TJP3: variants seen among roughly 807,000 people sequenced by gnomAD.
TJP3 encodes the protein tight junction protein 3.
Under a neutral mutation model 104.2 loss-of-function variants are expected in TJP3, and 85 were observed. The ratio of observed to expected loss-of-function variants is 0.82; its 90% CI spans 0.68 to 0.98. The LOEUF (loss-of-function observed/expected upper bound fraction) is 0.98, where lower values mean the gene tolerates loss of function less well. Among genes scored for constraint, TJP3 ranks in the 50% least tolerant of loss-of-function variants. The pLI is 0.00. For missense variants in TJP3, 1,367 were observed against 1,322.8 expected (o/e 1.03, Z -0.52); for synonymous variants, 550 against 550.6 (o/e 1.00, Z 0.02).
At chr19:3,747,011 C>T (rs758714661) in intron 18 of TJP3, 135 bp downstream of exon 18, 1 of 804,096 alleles carries the variant, frequency 1.2e-6, no homozygotes, top group Non-Finnish European at 2.0e-6. Context: ...AAGATGGGAC[C>T]TGAGACAAGG....
At chr19:3,750,294 T>C (rs1221543910) in intron 20 of TJP3, 110 bp downstream of exon 20, 2 of 1,456,718 alleles carry the variant, frequency 1.4e-6, no homozygotes, top group Non-Finnish European at 1.9e-6. Context: ...CCTAGCCTAG[T>C]GGGGAAGACA....
intron 1 of TJP3, chr19:3,721,944 G>A: frequency 1.7e-6 from 2 of 1,181,760 alleles, no homozygotes; most frequent in Non-Finnish European, 2.1e-6. Context: ...AGGGGGAGGG[G>A]CTCGGGCTGA....
chr19:3,742,897 T>C (rs1048459962), intron 14 of TJP3, among the ~76,000 whole-genome samples: 1 of 150,550 alleles, frequency 6.6e-6, no homozygotes, highest in African/African-American at 2.5e-5. Flanking sequence ...ACCTGGGAGA[T>C]GGAGGTTGCA....
intron 1 of TJP3, among the ~76,000 whole-genome samples, chr19:3,709,349 G>A (rs532049012): frequency 6.6e-6 from 1 of 152,312 alleles, no homozygotes; most frequent in South Asian, 2.1e-4. Flanking sequence ...AACCCCCTCG[G>A]CCTCCCAAAG....
At chr19:3,722,594 G>C (rs2036552169) in intron 1 of TJP3, among the ~76,000 whole-genome samples, 1 of 150,680 alleles carries the variant, frequency 6.6e-6, no homozygotes, top group South Asian at 2.1e-4. Context: ...GGCGGGGGGC[G>C]ATCCTTGTCT....
chr19:3,733,795 C>T lies in TJP3; in HGVS notation c.760C>T (p.Arg254Trp), dbSNP rs759510224. The change falls in exon 7 of 21, where the codon CGG becomes TGG. Residue 254 changes from arginine to tryptophan, a missense_variant. Coordinates refer to ENST00000541714, the MANE Select transcript of TJP3 (RefSeq NM_001267560.2). ...CCAGAACCTGTCACTGAACGACACC[C>T]GGCGACTGATTGAGAAGTCAGAAGG... ...SSQNLSLNDT[R>W]RLIEKSEGKL... 1.2e-5 allele frequency: 20 copies of T among 1,614,092 alleles called. No individual in the cohort carries two copies. The highest frequency in any genetic ancestry group is 3.3e-5 in the Admixed American group (2 of 59,996).
intron 1 of TJP3, among the ~76,000 whole-genome samples, chr19:3,727,672 G>T (rs906735624): frequency 6.6e-6 from 1 of 151,908 alleles, no homozygotes. Flanking sequence ...CTCTGTGGGT[G>T]GATCAGTTGA....
chr19:3,747,926 G>A lies in TJP3; in HGVS notation c.2455G>A (p.Gly819Ser), dbSNP rs867011441. The A allele has an allele frequency of 6.2e-7, 1 of 1,613,158 alleles. No individual in the cohort carries two copies. Among genetic ancestry groups the A allele is most frequent in the East Asian group, 2.2e-5 (1 of 44,888 alleles). ...TDGEGGAYTDGEGYTDGEGGP... is the reference protein window; with the variant it reads ...TDGEGGAYTDSEGYTDGEGGP... ...CGGCGAGGGCGGCGCGTACACGGAT[G>A]GCGAGGGCTACACAGACGGCGAGGG... The change falls in exon 19 of 21, where the codon GGC becomes AGC. Residue 819 changes from glycine (G) to serine (S), a missense_variant. By Grantham distance (56) the Gly-to-Ser change is moderately conservative. Transcript: ENST00000541714.
At chr19:3,743,711 A>T in intron 14 of TJP3, 1 of 476,314 alleles carries the variant, frequency 2.1e-6, no homozygotes, top group South Asian at 3.1e-5. Flanking sequence ...TGAAGGCGGA[A>T]CCCAGAAATG....
chr19:3,746,169 G>A lies in TJP3; in HGVS notation c.2010+88G>A. 2.3e-6 allele frequency: 3 copies of A among 1,322,794 alleles called. No homozygotes were observed. Among genetic ancestry groups the A allele is most frequent in the Non-Finnish European group, 3.2e-6 (3 of 940,688 alleles). 81.9% of individuals were successfully genotyped at this position (1,322,794 alleles called of 1,614,324 possible). A position where few individuals can be genotyped will look rare whatever the true frequency, so the allele number is the denominator to read the frequency against. On this transcript the variant is annotated intron_variant, in intron 16 of 20. Coordinates refer to ENST00000541714, the MANE Select transcript of TJP3 (RefSeq NM_001267560.2). The surrounding 1 kb of genome is among the most constrained non-coding windows in gnomAD (Gnocchi z 4.1). The stretch of plus-strand genomic sequence containing the variant: ...AACTGAATGTCCTGACCTGTTCTCA[G>A]CCCACACCCCACAAGTGCAGTCTTC...
intron 1 of TJP3, chr19:3,721,897 C>T (rs2036545699): frequency 2.5e-6 from 3 of 1,205,362 alleles, no homozygotes; most frequent in Non-Finnish European, 3.1e-6. Flanking sequence ...TGGACCATGG[C>T]GGTGAGATTC....
rs555403361 is a variant in TJP3 at position 3,736,164 on chromosome 19, G to A, written c.1128-1G>A. ...GACCCCATCTCTGCCTCCCCTTGCA[G>A]GTACAGCCCCGACACGCGTGTGGTC... On this transcript the variant is annotated splice_acceptor_variant, in intron 10 of 20. Transcript: ENST00000541714. LOFTEE classifies it high-confidence loss of function. 1.3e-6 allele frequency: 2 copies of A among 1,584,246 alleles called. No homozygotes were observed. Among genetic ancestry groups the A allele is most frequent in the African/African-American group, 2.7e-5 (2 of 74,500 alleles).
rs760771833 is a variant in TJP3, at chr19:3,746,459, C to T, written c.2011-26C>T. The T allele has an allele frequency of 1.9e-6, 3 of 1,612,378 alleles. No homozygotes were observed. The highest frequency in any genetic ancestry group is 1.7e-6 in the Non-Finnish European group (2 of 1,179,096). ...GTTTACCCTGCTGCAATCCCCCTCA[C>T]CCCAACGTCCGCCGGCCTGGCCCAG... On this transcript the variant is annotated intron_variant, in intron 16 of 20. Coordinates refer to ENST00000541714, the MANE Select transcript of TJP3 (RefSeq NM_001267560.2). The surrounding 1 kb of genome is among the most constrained non-coding windows in gnomAD (Gnocchi z 4.1).
intron 1 of TJP3, among the ~76,000 whole-genome samples, chr19:3,723,201 G>A (rs1330330709): frequency 1.3e-5 from 2 of 152,196 alleles, no homozygotes; most frequent in African/African-American, 2.4e-5. Flanking sequence ...GAAGGTGTAA[G>A]GTGGACAAAT....
intron 1 of TJP3, among the ~76,000 whole-genome samples, chr19:3,721,101 C>A (rs1238038465): frequency 6.6e-6 from 1 of 152,006 alleles, no homozygotes; most frequent in South Asian, 2.1e-4. Context: ...GACGTTTCAC[C>A]ATGTTGGTCA....
rs1421328174 is a variant in TJP3 at position 3,716,801 on chromosome 19, A to ATATAT, written c.-10+8241_-10+8242insATATT. ...CATACATATATATATATATATATAT[A>ATATAT]TTTTTTTTTTTTTTTTGAAACAGAG... On this transcript the variant is annotated intron_variant, in intron 1 of 20. Transcript: ENST00000541714. Among the ~76,000 whole-genome samples the ATATAT allele has an allele frequency of 2.9e-3, 241 of 81,922 alleles. 1 individual carries two copies. Among genetic ancestry groups the ATATAT allele is most frequent in the African/African-American group, 9.8e-3 (200 of 20,414 alleles). 53.7% of individuals were successfully genotyped at this position (81,922 alleles called of 152,430 possible).
At chr19:3,713,882 AT>A (rs1157776355) in intron 1 of TJP3, among the ~76,000 whole-genome samples, 4,760 of 135,674 alleles carry the variant, frequency 0.035, 176 homozygotes, top group African/African-American at 0.092. Context: ...TGCCCAGCTA[AT>A]TTTTTTTTTT....
Position 3,740,540 on chromosome 19 carries a change from T to G in TJP3, c.1632-12T>G. 1 of 1,442,340 alleles carries G rather than the reference T, an allele frequency of 6.9e-7. No individual in the cohort carries two copies. The highest frequency in any genetic ancestry group is 9.1e-7 in the Non-Finnish European group (1 of 1,096,770). 89.3% of individuals were successfully genotyped at this position (1,442,340 alleles called of 1,614,324 possible). A position where few individuals can be genotyped will look rare whatever the true frequency, so the allele number is the denominator to read the frequency against. On this transcript the variant is annotated splice_polypyrimidine_tract_variant and intron_variant, in intron 13 of 20. Transcript: ENST00000541714. ...GACCCCAGTGCTCAGTACTGTCCCCTCTTCTCCCCAGGGCGGAGCAGCTGG... is the reference window on the plus strand; with the variant it reads ...GACCCCAGTGCTCAGTACTGTCCCCGCTTCTCCCCAGGGCGGAGCAGCTGG...
chr19:3,719,929 G>A (rs556422327), intron 1 of TJP3, among the ~76,000 whole-genome samples: 2 of 152,212 alleles, frequency 1.3e-5, no homozygotes, highest in Non-Finnish European at 2.9e-5. Flanking sequence ...TATTTTGTAT[G>A]GAGATTGGGT....
Sources: gnomAD v4.1 joint callset for allele counts (sites outside exome capture counted in the v4.1 genomes callset) on GRCh38, gnomAD v4.1.1 for gene constraint, Gnocchi (gnomAD v3.1) non-coding constraint, MANE v1.5 for transcripts, NCBI Gene and HGNC (gene_info 2026-07-23, HGNC 2026-07-21) for gene names.